BMPR1B: variants seen among roughly 807,000 people sequenced by gnomAD.
BMPR1B encodes bone morphogenetic protein receptor type 1B.
BMPR1B carries 12 observed loss-of-function variants against 59.1 expected under a neutral mutation model. The ratio of observed to expected loss-of-function variants is 0.20; its 90% CI spans 0.13 to 0.33. The LOEUF (loss-of-function observed/expected upper bound fraction) is 0.33. BMPR1B is among the 10% of genes least tolerant of loss of function. BMPR1B has a pLI of 1.00. For synonymous variants in BMPR1B, 237 were observed against 207.3 expected, an observed-to-expected ratio of 1.14 and a Z score of -1.23; for missense variants, 550 against 610.9, an observed-to-expected ratio of 0.90 and a Z score of 1.05.
chr4:94,858,804 T>C (rs1291175957), intron 1 of BMPR1B, among the ~76,000 whole-genome samples: 5 of 152,152 alleles, frequency 3.3e-5, no homozygotes, highest in Non-Finnish European at 7.4e-5. Context: ...AACTTCTACT[T>C]CATTTTTAAT....
intron 1 of BMPR1B, among the ~76,000 whole-genome samples, chr4:94,787,692 TATATTAAATAA>T (rs1560484613): frequency 1.3e-5 from 2 of 152,232 alleles, no homozygotes; most frequent in Non-Finnish European, 2.9e-5. Flanking sequence ...ATGTAAAACT[TATATTAAATAA>T]ATCTGTATGC....
intron 3 of BMPR1B, among the ~76,000 whole-genome samples, chr4:95,057,370 G>A (rs139348573): frequency 2.0e-5 from 3 of 152,004 alleles, no homozygotes; most frequent in African/African-American, 7.2e-5. Context: ...TCAGCCTCCC[G>A]AGTCGCTGGG....
chr4:94,949,706 T>G (rs913800827), intron 2 of BMPR1B, among the ~76,000 whole-genome samples: 4 of 152,164 alleles, frequency 2.6e-5, no homozygotes, highest in Non-Finnish European at 5.9e-5. Flanking sequence ...GGCATTTGGG[T>G]TGGTTCCAAG....
rs183181514 is a variant in BMPR1B, at chr4:94,812,388, A to G, written c.-183+54320A>G. Among the ~76,000 whole-genome samples the G allele has an allele frequency of 3.6e-3, 549 of 152,348 alleles. 2 individuals are homozygous for G. Among genetic ancestry groups the G allele is most frequent in the Middle Eastern group, 0.02 (6 of 294 alleles). On this transcript the variant is annotated intron_variant, in intron 1 of 12. Transcript: ENST00000515059. ...AGACAAAGAACAGCATGAGTAGAGCAGTGAAAGCTTTGAAAGCTCATGACT... is the reference window on the plus strand; with the variant it reads ...AGACAAAGAACAGCATGAGTAGAGCGGTGAAAGCTTTGAAAGCTCATGACT...
At chr4:95,006,183 A>G (rs898228179) in intron 3 of BMPR1B, among the ~76,000 whole-genome samples, 1 of 152,024 alleles carries the variant, frequency 6.6e-6, no homozygotes. Flanking sequence ...AGGCGGGAGT[A>G]TCCTTTGAAC....
At chr4:95,132,199 A>G (rs963577697) in intron 10 of BMPR1B, among the ~76,000 whole-genome samples, 8 of 152,182 alleles carry the variant, frequency 5.3e-5, no homozygotes, top group Non-Finnish European at 7.3e-5. Flanking sequence ...TGGAAAACAA[A>G]ACAAAATGAG....
chr4:94,813,456 T>C (rs975706601), intron 1 of BMPR1B, among the ~76,000 whole-genome samples: 48 of 152,004 alleles, frequency 3.2e-4, no homozygotes, highest in African/African-American at 1.2e-3. Context: ...TGGCCTGACA[T>C]GTGAGGAGCA....
intron 8 of BMPR1B, among the ~76,000 whole-genome samples, chr4:95,127,890 T>C (rs529949914): frequency 4.2e-5 from 6 of 144,020 alleles, no homozygotes; most frequent in Non-Finnish European, 9.2e-5. Flanking sequence ...ATCCCCAGGA[T>C]TTTTTTTTTT....
At chr4:95,088,003 T>TA (rs1327190382) in intron 3 of BMPR1B, among the ~76,000 whole-genome samples, 1 of 152,214 alleles carries the variant, frequency 6.6e-6, no homozygotes, top group African/African-American at 2.4e-5. Flanking sequence ...ATTTGAAAGT[T>TA]ACGTTTATAA....
intron 3 of BMPR1B, among the ~76,000 whole-genome samples, chr4:95,038,761 A>G (rs1725443172): frequency 6.6e-6 from 1 of 152,146 alleles, no homozygotes; most frequent in Non-Finnish European, 1.5e-5. Context: ...TAGAGGTGCT[A>G]ATGAGATGTA....
intron 1 of BMPR1B, among the ~76,000 whole-genome samples, chr4:94,789,678 A>T (rs1193761328): frequency 6.6e-6 from 1 of 152,220 alleles, no homozygotes; most frequent in Non-Finnish European, 1.5e-5. Context: ...GTATAATATA[A>T]CCACATTTAT....
At chr4:94,949,789 C>T (rs1578839129) in intron 2 of BMPR1B, among the ~76,000 whole-genome samples, 7 of 152,204 alleles carry the variant, frequency 4.6e-5, no homozygotes, top group Non-Finnish European at 7.4e-5. Flanking sequence ...GATGTATAAT[C>T]CTTTGGGTAT....
chr4:94,890,217 C>T (rs1179749337), intron 2 of BMPR1B, among the ~76,000 whole-genome samples: 1 of 151,970 alleles, frequency 6.6e-6, no homozygotes, highest in East Asian at 1.9e-4. Flanking sequence ...TGAGAAGTGA[C>T]ACATGCAAAA....
intron 1 of BMPR1B, among the ~76,000 whole-genome samples, chr4:94,792,747 TATAAC>T (rs2110605226): frequency 6.6e-6 from 1 of 152,312 alleles, no homozygotes; most frequent in African/African-American, 2.4e-5. Flanking sequence ...ACTGTAAAAT[TATAAC>T]ATTTAGATAG....
intron 2 of BMPR1B, among the ~76,000 whole-genome samples, chr4:94,943,136 A>T (rs1393023729): frequency 6.7e-6 from 1 of 150,374 alleles, no homozygotes; most frequent in African/African-American, 2.4e-5. Flanking sequence ...GGATACATCC[A>T]CTCACTATTT....
intron 4 of BMPR1B, among the ~76,000 whole-genome samples, chr4:95,112,291 C>G (rs1163975682): frequency 2.0e-5 from 3 of 151,980 alleles, no homozygotes; most frequent in African/African-American, 7.2e-5. Context: ...AATCTCTATA[C>G]AAAACTAAGC....
chr4:95,121,166 A>C lies in BMPR1B; in HGVS notation c.350-2644A>C, dbSNP rs555805428. 9.9e-5 allele frequency among the ~76,000 whole-genome samples: 15 copies of C among 152,190 alleles called. 1 individual carries two copies. The East Asian group carries it at 2.5e-3, about 26-fold the overall frequency. On this transcript the variant is annotated intron_variant, in intron 6 of 12. Transcript: ENST00000515059. ...AGGCTGAGAGTCAAATCAAGAACAC[A>C]CTCCCATTTACAATAGCCACAAAGA...
At chr4:94,832,319 T>A (rs1200085360) in intron 1 of BMPR1B, among the ~76,000 whole-genome samples, 1 of 149,038 alleles carries the variant, frequency 6.7e-6, no homozygotes, top group Non-Finnish European at 1.5e-5. Flanking sequence ...ATAATGACAT[T>A]TCTCAGAACC....
At chr4:94,885,027 A>G (rs558222689) in intron 2 of BMPR1B, among the ~76,000 whole-genome samples, 4 of 152,246 alleles carry the variant, frequency 2.6e-5, no homozygotes, top group South Asian at 4.1e-4. Context: ...GAGCCAAGTC[A>G]TTTTACTTGA....
Sources: gnomAD v4.1 joint callset for allele counts (sites outside exome capture counted in the v4.1 genomes callset) on GRCh38, gnomAD v4.1.1 for gene constraint, MANE v1.5 for transcripts, NCBI Gene and HGNC (gene_info 2026-07-23, HGNC 2026-07-21) for gene names.